Variants in PRKAG2 observed in about 807,000 individuals in gnomAD.
PRKAG2 encodes the protein protein kinase AMP-activated non-catalytic subunit gamma 2, also known as 5'-AMP-activated protein kinase subunit gamma-2.
PRKAG2 carries 26 observed loss-of-function variants against 69.6 expected under a neutral mutation model. That is an observed-to-expected ratio of 0.37 (90% CI 0.27 to 0.52). The LOEUF is 0.52. PRKAG2 is among the 20% of genes least tolerant of loss of function. The pLI, the probability that PRKAG2 is intolerant of heterozygous loss-of-function variation, is 0.90. For synonymous variants in PRKAG2, 293 were observed against 285.0 expected (o/e 1.03, Z -0.28); for missense variants, 557 against 740.0 (o/e 0.75, Z 2.87).
intron 1 of PRKAG2, among the ~76,000 whole-genome samples, chr7:151,834,653 G>T (rs79459893): frequency 2.0e-5 from 3 of 152,048 alleles, no homozygotes; most frequent in African/African-American, 4.8e-5. Flanking sequence ...ATCTGGGGTC[G>T]GAAGGGACCC....
intron 4 of PRKAG2, 153 bp downstream of exon 4, chr7:151,675,267 C>T (rs1371039670): frequency 3.6e-6 from 3 of 828,174 alleles, no homozygotes; most frequent in South Asian, 2.9e-5. Context: ...CCATTTCTCC[C>T]TCAGCCTGTG....
At chr7:151,852,758 G>A (rs2079604957) in intron 1 of PRKAG2, among the ~76,000 whole-genome samples, 1 of 152,088 alleles carries the variant, frequency 6.6e-6, no homozygotes. Flanking sequence ...GAGAGGCCAG[G>A]GGTGTGCACG....
In PRKAG2 at chr7:151,835,337, A is replaced by G. The variant is rs1245315231; in HGVS notation, c.114+41170T>C. Among the ~76,000 whole-genome samples, 1 of 151,608 alleles carries G rather than the reference A, an allele frequency of 6.6e-6. No homozygotes were observed. The highest frequency in any genetic ancestry group is 1.5e-5 in the Non-Finnish European group (1 of 67,922). On this transcript the variant is annotated intron_variant, in intron 1 of 15. Transcript: ENST00000287878. This position sits in a 1 kb window ranked among gnomAD's most constrained non-coding sequence, Gnocchi z 4.1. The stretch of plus-strand genomic sequence containing the variant: ...GGGCTCAAGTGATCCTCCAGGTAAT[A>G]TTTTTATTTTTTATTATTTTTATTA...
At chr7:151,637,424 A>T (rs1436490720) in intron 4 of PRKAG2, among the ~76,000 whole-genome samples, 1 of 152,200 alleles carries the variant, frequency 6.6e-6, no homozygotes, top group Non-Finnish European at 1.5e-5. Context: ...AACAAATGGC[A>T]GTATGTACGT....
intron 3 of PRKAG2, among the ~76,000 whole-genome samples, chr7:151,721,255 T>C (rs534206561): frequency 6.6e-6 from 1 of 152,214 alleles, no homozygotes; most frequent in East Asian, 1.9e-4. Flanking sequence ...GCGGGGGTCC[T>C]GTCCCCTCTC....
intron 4 of PRKAG2, among the ~76,000 whole-genome samples, chr7:151,654,614 G>A (rs1829117474): frequency 6.6e-6 from 1 of 152,204 alleles, no homozygotes; most frequent in Non-Finnish European, 1.5e-5. Context: ...TGCTCAGTCT[G>A]ATATTGGAGA....
At chr7:151,729,302 C>T (rs950594325) in intron 3 of PRKAG2, among the ~76,000 whole-genome samples, 8 of 152,166 alleles carry the variant, frequency 5.3e-5, no homozygotes, top group Non-Finnish European at 1.0e-4. Context: ...GACCCATCCT[C>T]ACAAACAAGG....
intron 14 of PRKAG2, among the ~76,000 whole-genome samples, chr7:151,562,506 G>A (rs758775043): frequency 4.1e-4 from 63 of 152,068 alleles, no homozygotes; most frequent in African/African-American, 1.5e-3. Context: ...CATCTTTCCC[G>A]TGGCAGTCAA....
intron 1 of PRKAG2, among the ~76,000 whole-genome samples, chr7:151,826,068 CT>C (rs2151869502): frequency 6.6e-6 from 1 of 152,276 alleles, no homozygotes; most frequent in East Asian, 1.9e-4. Flanking sequence ...GGTAGAGTAC[CT>C]TTTCCCCAGT....
chr7:151,854,965 ACC>A (rs2079671005), intron 1 of PRKAG2, among the ~76,000 whole-genome samples: 1 of 20,650 alleles, frequency 4.8e-5, no homozygotes, highest in Non-Finnish European at 1.2e-4. Context: ...TCCACATACC[ACC>A]CTCCACACAC....
intron 3 of PRKAG2, among the ~76,000 whole-genome samples, chr7:151,749,083 C>T (rs2074493953): frequency 1.4e-5 from 2 of 146,196 alleles, no homozygotes; most frequent in Admixed American, 1.3e-4. Context: ...AGAGGAGATG[C>T]TCAAAAGAAA....
chr7:151,785,872 C>T (rs991487932), intron 2 of PRKAG2, among the ~76,000 whole-genome samples: 4 of 152,124 alleles, frequency 2.6e-5, no homozygotes, highest in Non-Finnish European at 4.4e-5. Context: ...CCACCCCACA[C>T]TCTTTCTGGC....
chr7:151,617,015 T>A (rs561636355), intron 5 of PRKAG2, among the ~76,000 whole-genome samples: 9 of 151,952 alleles, frequency 5.9e-5, no homozygotes, highest in African/African-American at 2.2e-4. Context: ...ATCCCAGCAC[T>A]TTGGGAGGCC....
chr7:151,685,593 AC>A (rs1412528371), intron 3 of PRKAG2, among the ~76,000 whole-genome samples: 10 of 151,948 alleles, frequency 6.6e-5, no homozygotes, highest in Middle Eastern at 6.8e-3. Flanking sequence ...ACATAGTGAG[AC>A]CCCCATTTCT....
In PRKAG2 at chr7:151,699,523, T is replaced by C. The variant is rs1837310976; in HGVS notation, c.467-23886A>G. 6.6e-6 allele frequency among the ~76,000 whole-genome samples: 1 copy of C among 152,218 alleles called. No individual in the cohort carries two copies. The highest frequency in any genetic ancestry group is 1.5e-5 in the Non-Finnish European group (1 of 68,046). On this transcript the variant is annotated intron_variant, in intron 3 of 15. Transcript: ENST00000287878. This position sits in a 1 kb window ranked among gnomAD's most constrained non-coding sequence, Gnocchi z 4.5. ...TGTTGGAGATGTTTAGTTTTATGAT[T>C]AAGAAATGGCAAAGGGCCTTTCAGA... is the stretch of plus-strand genomic sequence containing the variant.
At chr7:151,846,327 G>A (rs773770003) in intron 1 of PRKAG2, among the ~76,000 whole-genome samples, 13 of 152,126 alleles carry the variant, frequency 8.5e-5, no homozygotes, top group African/African-American at 1.2e-4. Context: ...ACTTAGCTGG[G>A]TGTGGTGGCG....
In PRKAG2 at chr7:151,805,304, C is replaced by T. The variant is rs114265479; in HGVS notation, c.115-18763G>A. On this transcript the variant is annotated intron_variant, in intron 1 of 15. Transcript: ENST00000287878. ...AAGCCAGCCACGTGGAGAGGCTGCA[C>T]GGATGGAGAAACAGCTGCACGGCCA... Among the ~76,000 whole-genome samples the T allele has an allele frequency of 4.0e-3, 611 of 152,210 alleles. 8 individuals are homozygous for T. Among genetic ancestry groups the T allele is most frequent in the African/African-American group, 0.014 (587 of 41,522 alleles).
At chr7:151,701,724 C>A (rs991632458) in intron 3 of PRKAG2, among the ~76,000 whole-genome samples, 2 of 149,304 alleles carry the variant, frequency 1.3e-5, no homozygotes, top group African/African-American at 5.1e-5. Flanking sequence ...CACCTGTAGT[C>A]CCCAGCTACT....
At chr7:151,562,244 CAAAAAAAAAAAAAAAAAA>C (rs575674668) in intron 14 of PRKAG2, among the ~76,000 whole-genome samples, 2 of 38,460 alleles carry the variant, frequency 5.2e-5, no homozygotes, top group Non-Finnish European at 1.2e-4. Flanking sequence ...GACTTTGTCT[CAAAAAAAAAAAAAAAAAA>C]AAAAAAAAAA....
Sources: allele counts gnomAD v4.1 joint callset (sites outside exome capture counted in the v4.1 genomes callset), GRCh38; gene constraint gnomAD v4.1.1; non-coding constraint Gnocchi (gnomAD v3.1); transcripts MANE v1.5; gene names NCBI Gene and HGNC (gene_info 2026-07-23, HGNC 2026-07-21).